SIM1: variants seen among roughly 807,000 people sequenced by gnomAD.
SIM1 encodes single-minded homolog 1.
Under a neutral mutation model 78.2 loss-of-function variants are expected in SIM1, and 18 were observed. The observed-to-expected ratio is 0.23, with a 90% CI of 0.16 to 0.34. The LOEUF is 0.34. SIM1 is among the 10% of genes least tolerant of loss of function. The pLI is 1.00. For missense variants in SIM1, 939 were observed against 975.1 expected, an observed-to-expected ratio of 0.96 and a Z score of 0.49; for synonymous variants, 417 against 385.2, an observed-to-expected ratio of 1.08 and a Z score of -0.97.
In SIM1 at chr6:100,393,821, G is replaced by C; in HGVS notation, c.1236C>G (p.Thr412=). 6.2e-7 allele frequency: 1 copy of C among 1,610,318 alleles called. No homozygotes were observed. Among genetic ancestry groups the C allele is most frequent in the Non-Finnish European group, 8.5e-7 (1 of 1,177,616 alleles). Residue 412 remains threonine, a synonymous_variant, in exon 11 of 12, where the codon ACC becomes ACG. Coordinates refer to ENST00000369208, the MANE Select transcript of SIM1 (RefSeq NM_005068.3). ...CCAGAAGCTGCGGAGAGGCCGTGTCGGTCAAGGGACTTCCGCCCCACTGGC... is the reference window on the plus strand; with the variant it reads ...CCAGAAGCTGCGGAGAGGCCGTGTCCGTCAAGGGACTTCCGCCCCACTGGC... The part of the protein sequence containing the change: ...HDSQWGGSPL[T]DTASPQLLDP...
intron 10 of SIM1, among the ~76,000 whole-genome samples, chr6:100,412,685 A>G (rs868595740): frequency 9.4e-4 from 31 of 32,956 alleles, no homozygotes; most frequent in Middle Eastern, 0.023. Context: ...AAGAAAGAAA[A>G]AGAAAGAAAG....
intron 9 of SIM1, among the ~76,000 whole-genome samples, chr6:100,433,152 C>G (rs1274792931): frequency 1.3e-5 from 2 of 152,204 alleles, no homozygotes; most frequent in Non-Finnish European, 1.5e-5. Flanking sequence ...TCCATACTCT[C>G]CAAACCAGTC....
At chr6:100,402,823 G>C (rs1770959564) in intron 10 of SIM1, among the ~76,000 whole-genome samples, 1 of 151,914 alleles carries the variant, frequency 6.6e-6, no homozygotes. Context: ...TGATCCACCC[G>C]CCTCGGCCTC....
chr6:100,419,196 C>T (rs1485874579), intron 10 of SIM1, among the ~76,000 whole-genome samples: 1 of 152,114 alleles, frequency 6.6e-6, no homozygotes, highest in Non-Finnish European at 1.5e-5. Flanking sequence ...AGCTTCTTCT[C>T]TGCAGTGACT....
chr6:100,417,648 G>C (rs745767798), intron 10 of SIM1, among the ~76,000 whole-genome samples: 1 of 152,114 alleles, frequency 6.6e-6, no homozygotes, highest in Non-Finnish European at 1.5e-5. Flanking sequence ...CAACAGAAAC[G>C]GTGATGAGTT....
rs528121693 is a variant in SIM1, at chr6:100,448,321, G to C, written c.744-69C>G. 327 of 1,405,940 alleles carry C rather than the reference G, an allele frequency of 2.3e-4. 4 individuals are homozygous for C. In the South Asian group the frequency reaches 3.8e-3, roughly 17 times the overall value. The allele number at this position is 1,405,940 out of a possible 1,614,324, so 87.1% of individuals were successfully genotyped here. A position where few individuals can be genotyped will look rare whatever the true frequency, so the allele number is the denominator to read the frequency against. Reference sequence around the variant, plus strand: ...AGGGATGCCCTCCCCACACACCCTCGACAGCCGTCTGACACCTAGCTGTCC... The same window carrying C: ...AGGGATGCCCTCCCCACACACCCTCCACAGCCGTCTGACACCTAGCTGTCC... On this transcript the variant is annotated intron_variant, in intron 7 of 11. Coordinates refer to ENST00000369208, the MANE Select transcript of SIM1 (RefSeq NM_005068.3).
At chr6:100,425,604 CA>C (rs772839268) in intron 9 of SIM1, among the ~76,000 whole-genome samples, 38 of 152,276 alleles carry the variant, frequency 2.5e-4, no homozygotes, top group Non-Finnish European at 5.1e-4. Context: ...TCACTAAGAA[CA>C]AAGCATTTGT....
chr6:100,439,119 G>T (rs992156632), intron 9 of SIM1, among the ~76,000 whole-genome samples: 8 of 152,014 alleles, frequency 5.3e-5, no homozygotes, highest in African/African-American at 1.9e-4. Flanking sequence ...TTAAAAAAAA[G>T]AAACATGCTC....
chr6:100,458,445 C>G (rs959312569), intron 2 of SIM1, among the ~76,000 whole-genome samples: 1 of 152,266 alleles, frequency 6.6e-6, no homozygotes, highest in Admixed American at 6.5e-5. Flanking sequence ...CCGGGAACTG[C>G]CCAAACAGAC....
chr6:100,450,795 G>A (rs1014500462), intron 3 of SIM1, among the ~76,000 whole-genome samples: 1 of 151,552 alleles, frequency 6.6e-6, no homozygotes, highest in African/African-American at 2.4e-5. Context: ...GCAGGGTTTG[G>A]GAATAGCAGT....
chr6:100,458,759 C>G (rs894998506), intron 2 of SIM1, among the ~76,000 whole-genome samples: 4 of 152,324 alleles, frequency 2.6e-5, no homozygotes, highest in South Asian at 4.1e-4. Context: ...CCTGCGCCGC[C>G]GAGGCCGAGT....
intron 10 of SIM1, among the ~76,000 whole-genome samples, chr6:100,412,126 AG>A (rs369861481): frequency 1.4e-3 from 214 of 152,224 alleles, no homozygotes; most frequent in African/African-American, 4.5e-3. Flanking sequence ...CAGACTGGGG[AG>A]GAAAATTTTC....
chr6:100,434,695 C>G (rs1201285579), intron 9 of SIM1, among the ~76,000 whole-genome samples: 1 of 152,126 alleles, frequency 6.6e-6, no homozygotes, highest in East Asian at 1.9e-4. Flanking sequence ...TGTTGCTATT[C>G]TTGGAGAGAT....
intron 2 of SIM1, 55 bp from the exon 3 acceptor site, chr6:100,453,899 T>C (rs990124933): frequency 2.1e-5 from 29 of 1,397,492 alleles, no homozygotes; most frequent in East Asian, 1.2e-4. Flanking sequence ...GACAGGCAGT[T>C]TGGGACCAAG....
At chr6:100,401,576 AT>A (rs1284656225) in intron 10 of SIM1, among the ~76,000 whole-genome samples, 6 of 152,138 alleles carry the variant, frequency 3.9e-5, no homozygotes, top group African/African-American at 1.4e-4. Context: ...TTCAAAAAAA[AT>A]AAATAATAAT....
intron 10 of SIM1, among the ~76,000 whole-genome samples, chr6:100,414,126 A>G (rs1430451117): frequency 6.6e-6 from 1 of 152,354 alleles, no homozygotes; most frequent in South Asian, 2.1e-4. Context: ...TGATTTCATA[A>G]AGCAATCATG....
At chr6:100,402,975 A>C (rs1770963467) in intron 10 of SIM1, among the ~76,000 whole-genome samples, 1 of 152,162 alleles carries the variant, frequency 6.6e-6, no homozygotes, top group African/African-American at 2.4e-5. Context: ...CTTATACTTA[A>C]AGCTGAGAAA....
At chr6:100,404,998 C>A (rs1406351578) in intron 10 of SIM1, among the ~76,000 whole-genome samples, 1 of 152,066 alleles carries the variant, frequency 6.6e-6, no homozygotes, top group Non-Finnish European at 1.5e-5. Context: ...AAATTATTTT[C>A]TACATTCCTG....
intron 9 of SIM1, among the ~76,000 whole-genome samples, chr6:100,435,023 A>C (rs1054446135): frequency 6.6e-6 from 1 of 152,116 alleles, no homozygotes. Flanking sequence ...AAATAAAATA[A>C]TTTTCTGTGG....
Sources: gnomAD v4.1 joint callset for allele counts (sites outside exome capture counted in the v4.1 genomes callset) on GRCh38, gnomAD v4.1.1 for gene constraint, MANE v1.5 for transcripts, NCBI Gene and HGNC (gene_info 2026-07-23, HGNC 2026-07-21) for gene names.